The following STXBP6 variants were observed in gnomAD, a reference collection of about 807,000 sequenced individuals.
STXBP6 encodes syntaxin-binding protein 6.
In STXBP6, 21 loss-of-function variants were observed where a neutral mutation model predicts 26.9. The observed-to-expected ratio is 0.78, with a 90% CI of 0.55 to 1.12. STXBP6 has a LOEUF of 1.12. STXBP6 is among the 50% of genes most tolerant of loss of function. STXBP6 has a pLI of 0.00. For synonymous variants in STXBP6, 97 were observed against 92.6 expected (o/e 1.05, Z -0.27); for missense variants, 232 against 257.9 (o/e 0.90, Z 0.69).
chr14:24,897,180 G>T (rs548621919), intron 2 of STXBP6, among the ~76,000 whole-genome samples: 1 of 152,052 alleles, frequency 6.6e-6, no homozygotes, highest in South Asian at 2.1e-4. Flanking sequence ...GGAGGCTGAG[G>T]CAGGCAGATC....
chr14:24,866,274 C>A (rs2069717790), intron 2 of STXBP6, among the ~76,000 whole-genome samples: 1 of 152,188 alleles, frequency 6.6e-6, no homozygotes, highest in East Asian at 1.9e-4. Context: ...AACCTGCCAG[C>A]CTGCCTTGCA....
At chr14:24,992,417 G>GA in intron 1 of STXBP6, among the ~76,000 whole-genome samples, 1 of 150,276 alleles carries the variant, frequency 6.7e-6, no homozygotes, top group South Asian at 2.1e-4. Flanking sequence ...AAATAAGTAG[G>GA]AAAAAAAAAG....
chr14:25,021,075 T>C (rs73595340), intron 1 of STXBP6, among the ~76,000 whole-genome samples: 47,890 of 151,938 alleles, frequency 0.32, 9,101 homozygotes, highest in African/African-American at 0.54. Context: ...AACCTCCACC[T>C]AACACTTCTG....
intron 2 of STXBP6, among the ~76,000 whole-genome samples, chr14:24,923,323 A>C (rs1199357047): frequency 6.6e-6 from 1 of 152,158 alleles, no homozygotes; most frequent in East Asian, 1.9e-4. Context: ...ATGTAGCTTT[A>C]GTTATTTTTA....
intron 1 of STXBP6, among the ~76,000 whole-genome samples, chr14:25,038,550 G>A (rs1057016770): frequency 1.3e-5 from 2 of 152,184 alleles, no homozygotes; most frequent in Non-Finnish European, 2.9e-5. Context: ...CATACACAAC[G>A]TGGATGAATC....
chr14:24,912,439 G>A (rs888190607), intron 2 of STXBP6, among the ~76,000 whole-genome samples: 1 of 107,392 alleles, frequency 9.3e-6, no homozygotes. Flanking sequence ...GAAAGTGAAT[G>A]CCAAAAAAAA....
At chr14:24,818,893 A>G (rs1190272807) in intron 5 of STXBP6, 144 bp downstream of exon 5, 1 of 1,107,866 alleles carries the variant, frequency 9.0e-7, no homozygotes, top group Non-Finnish European at 1.2e-6. Context: ...TCAGGTGTTT[A>G]GTAAGTAGCA....
chr14:25,007,363 A>G (rs141471715), intron 1 of STXBP6, among the ~76,000 whole-genome samples: 8 of 152,362 alleles, frequency 5.3e-5, no homozygotes, highest in Non-Finnish European at 7.3e-5. Flanking sequence ...TCTGACGGTG[A>G]CTGTGATAAT....
chr14:24,992,100 C>T (rs113156746), intron 1 of STXBP6, among the ~76,000 whole-genome samples: 4 of 152,142 alleles, frequency 2.6e-5, no homozygotes, highest in South Asian at 2.1e-4. Flanking sequence ...TCTGAGCTAC[C>T]GAAGAAACCC....
intron 2 of STXBP6, among the ~76,000 whole-genome samples, chr14:24,914,657 C>A (rs887711216): frequency 2.0e-5 from 3 of 152,180 alleles, no homozygotes; most frequent in Non-Finnish European, 4.4e-5. Context: ...CCTGTTACAG[C>A]TGTCTATTTT....
intron 1 of STXBP6, among the ~76,000 whole-genome samples, chr14:25,013,067 A>G (rs888947677): frequency 3.3e-5 from 5 of 152,194 alleles, no homozygotes; most frequent in African/African-American, 1.2e-4. Flanking sequence ...ACTCCAGCCT[A>G]CATGACAGAG....
intron 5 of STXBP6, among the ~76,000 whole-genome samples, chr14:24,813,419 G>A (rs966462926): frequency 6.6e-6 from 1 of 152,184 alleles, no homozygotes; most frequent in Admixed American, 6.5e-5. Context: ...TTAAGGAAAT[G>A]GTATGCAGGT....
chr14:24,901,329 A>G (rs1595075314), intron 2 of STXBP6, among the ~76,000 whole-genome samples: 1 of 150,926 alleles, frequency 6.6e-6, no homozygotes, highest in South Asian at 2.2e-4. Flanking sequence ...TTTCTACAAC[A>G]TACCCACTAG....
intron 2 of STXBP6, among the ~76,000 whole-genome samples, chr14:24,876,367 T>C (rs1452855652): frequency 6.6e-6 from 1 of 152,198 alleles, no homozygotes; most frequent in African/African-American, 2.4e-5. Context: ...ATATTTATAT[T>C]GAAAAGCAGA....
chr14:24,943,339 A>T (rs2140002881), intron 2 of STXBP6, among the ~76,000 whole-genome samples: 1 of 152,328 alleles, frequency 6.6e-6, no homozygotes, highest in South Asian at 2.1e-4. Context: ...AACTACAGGC[A>T]ACTGAAGGCA....
chr14:25,027,886 A>G (rs557673468), intron 1 of STXBP6, among the ~76,000 whole-genome samples: 1 of 152,260 alleles, frequency 6.6e-6, no homozygotes, highest in Admixed American at 6.5e-5. Context: ...TGGATGCAAG[A>G]TCAAACCAGC....
At chr14:24,880,482 T>C (rs1458107715) in intron 2 of STXBP6, among the ~76,000 whole-genome samples, 2 of 152,080 alleles carry the variant, frequency 1.3e-5, no homozygotes, top group Non-Finnish European at 2.9e-5. Flanking sequence ...CTCTGAAGGA[T>C]GGGGAGGGTC....
In STXBP6 at chr14:24,985,680, C is replaced by T. The variant is rs1286436591; in HGVS notation, c.-32-10830G>A. On this transcript the variant is annotated intron_variant, in intron 1 of 5. Transcript: ENST00000323944. ...CTGCAAGAAGAATTTCATCATTTTA[C>T]TTTACGGAGAAGGATCTCAGCAAGA... 2.0e-5 allele frequency among the ~76,000 whole-genome samples: 3 copies of T among 152,174 alleles called. No individual in the cohort carries two copies. In the East Asian group the frequency reaches 5.8e-4, roughly 29 times the overall value.
At chr14:24,978,890 G>T (rs78176011) in intron 1 of STXBP6, among the ~76,000 whole-genome samples, 1 of 152,180 alleles carries the variant, frequency 6.6e-6, no homozygotes, top group African/African-American at 2.4e-5. Flanking sequence ...TAGATGAAGC[G>T]CATAAGCAAA....
Sources: allele counts gnomAD v4.1 joint callset (sites outside exome capture counted in the v4.1 genomes callset), GRCh38; gene constraint gnomAD v4.1.1; transcripts MANE v1.5; gene names NCBI Gene and HGNC (gene_info 2026-07-23, HGNC 2026-07-21).